ARSG: variants seen among roughly 807,000 people sequenced by gnomAD.
ARSG encodes the protein arylsulfatase G.
A neutral mutation model predicts 50.5 loss-of-function variants in ARSG; 37 were observed. That is an observed-to-expected ratio of 0.73 (90% confidence interval 0.56 to 0.96). The LOEUF (loss-of-function observed/expected upper bound fraction) is 0.96, where lower values mean the gene tolerates loss of function less well. ARSG is among the 50% of genes least tolerant of loss of function. The pLI is 0.00. For synonymous variants in ARSG, 225 were observed against 254.6 expected (o/e 0.88, Z 1.11); for missense variants, 629 against 675.3 (o/e 0.93, Z 0.76).
chr17:68,301,592 C>T (rs1397975633), intron 1 of ARSG, among the ~76,000 whole-genome samples: 1 of 152,212 alleles, frequency 6.6e-6, no homozygotes, highest in East Asian at 1.9e-4. Context: ...CTGCTTCTTT[C>T]ATCTGCTGCC....
chr17:68,431,361 G>T, the ARSG span, among the ~76,000 whole-genome samples: 3 of 152,040 alleles, frequency 2.0e-5, no homozygotes, highest in African/African-American at 7.2e-5. Flanking sequence ...AGGATGCTGG[G>T]GACTGAGCAT....
chr17:68,310,447 C>G (rs932556247), intron 2 of ARSG, among the ~76,000 whole-genome samples: 2 of 152,170 alleles, frequency 1.3e-5, no homozygotes, highest in East Asian at 3.8e-4. Flanking sequence ...AAAAGAGGAG[C>G]CTATGCATCT....
At chr17:68,410,943 T>G (rs1282369739) in intron 11 of ARSG, among the ~76,000 whole-genome samples, 8 of 152,112 alleles carry the variant, frequency 5.3e-5, no homozygotes, top group Non-Finnish European at 1.2e-4. Context: ...GATGGTAGTT[T>G]GTATTTCTGT....
At chr17:68,377,353 G>C (rs1209223480) in intron 8 of ARSG, among the ~76,000 whole-genome samples, 1 of 152,212 alleles carries the variant, frequency 6.6e-6, no homozygotes, top group Non-Finnish European at 1.5e-5. Flanking sequence ...CAGCCACCTG[G>C]AAAATCCTAT....
intron 10 of ARSG, among the ~76,000 whole-genome samples, chr17:68,398,302 C>T (rs1001703970): frequency 6.6e-6 from 1 of 152,230 alleles, no homozygotes; most frequent in Middle Eastern, 3.4e-3. Context: ...CACATGCATG[C>T]ACACACATAC....
chr17:68,426,162 G>A (rs770792481), downstream of ARSG: 56 of 1,580,646 alleles, frequency 3.5e-5, no homozygotes, highest in Middle Eastern at 4.5e-4. Context: ...GCGCCCCGCC[G>A]TCCTCAGAAT....
At chr17:68,369,869 G>C (rs981346023) in intron 7 of ARSG, among the ~76,000 whole-genome samples, 1 of 152,140 alleles carries the variant, frequency 6.6e-6, no homozygotes, top group Admixed American at 6.6e-5. Context: ...GGAAGGAAGA[G>C]GAGGAAAGGC....
At chr17:68,278,443 ATATTTATTTATT>A in intron 1 of ARSG, 3 of 638,154 alleles carry the variant, frequency 4.7e-6, no homozygotes, top group East Asian at 5.5e-5. Flanking sequence ...AAGTTGTTGA[ATATTTATTTATT>A]TATTTATTTA....
chr17:68,372,407 C>T (rs2079892454), intron 8 of ARSG, among the ~76,000 whole-genome samples: 1 of 152,164 alleles, frequency 6.6e-6, no homozygotes, highest in Non-Finnish European at 1.5e-5. Flanking sequence ...AATTGACTCA[C>T]AGTTCTGTAG....
At chr17:68,294,992 TGCATG>T (rs2076155534) in intron 1 of ARSG, among the ~76,000 whole-genome samples, 1 of 152,220 alleles carries the variant, frequency 6.6e-6, no homozygotes, top group South Asian at 2.1e-4. Context: ...CAGAGTTGTG[TGCATG>T]GCTTAGTACA....
At chr17:68,448,810 C>A in the ARSG span, among the ~76,000 whole-genome samples, 1 of 152,220 alleles carries the variant, frequency 6.6e-6, no homozygotes, top group Non-Finnish European at 1.5e-5. Flanking sequence ...CAACAGATTT[C>A]AGTGAAAACA....
chr17:68,311,296 A>C (rs915387778), intron 2 of ARSG, among the ~76,000 whole-genome samples: 4 of 152,114 alleles, frequency 2.6e-5, no homozygotes, highest in African/African-American at 9.7e-5. Flanking sequence ...CTGTTTAATT[A>C]GTTTCTACTC....
chr17:68,390,656 T>A (rs1383372651), intron 9 of ARSG, among the ~76,000 whole-genome samples: 2 of 152,042 alleles, frequency 1.3e-5, no homozygotes, highest in Non-Finnish European at 2.9e-5. Flanking sequence ...GGAATTTCCC[T>A]CTTGTCACTC....
intron 2 of ARSG, among the ~76,000 whole-genome samples, chr17:68,309,735 T>A (rs1555765981): frequency 4.0e-5 from 6 of 151,638 alleles, no homozygotes. Flanking sequence ...GGCAGGCACC[T>A]GTGACCCCAG....
chr17:68,259,627 A>G (rs1161217214), intron 1 of ARSG, among the ~76,000 whole-genome samples: 1 of 152,220 alleles, frequency 6.6e-6, no homozygotes, highest in Admixed American at 6.5e-5. Flanking sequence ...TTTTAATAGT[A>G]TATTCTGTTT....
chr17:68,379,121 C>A (rs1324424310), intron 8 of ARSG, among the ~76,000 whole-genome samples: 1 of 152,176 alleles, frequency 6.6e-6, no homozygotes, highest in Non-Finnish European at 1.5e-5. Context: ...AGGGCCACCC[C>A]AGGCCAGCCG....
At chr17:68,318,068 C>T (rs2077139133) in intron 2 of ARSG, among the ~76,000 whole-genome samples, 1 of 149,974 alleles carries the variant, frequency 6.7e-6, no homozygotes, top group Non-Finnish European at 1.5e-5. Flanking sequence ...CTTTGCACTC[C>T]AGACTGGGCG....
intron 1 of ARSG, among the ~76,000 whole-genome samples, chr17:68,261,149 G>A (rs1407620424): frequency 2.0e-5 from 3 of 152,262 alleles, no homozygotes; most frequent in East Asian, 1.9e-4. Flanking sequence ...CTCTTGAACT[G>A]TAACTGTCAA....
chr17:68,260,783 A>C (rs1322482606), intron 1 of ARSG, among the ~76,000 whole-genome samples: 1 of 152,090 alleles, frequency 6.6e-6, no homozygotes, highest in Non-Finnish European at 1.5e-5. Context: ...GTGAGCCACC[A>C]TGGCCGGCCA....
Sources: allele counts gnomAD v4.1 joint callset (sites outside exome capture counted in the v4.1 genomes callset), GRCh38; gene constraint gnomAD v4.1.1; transcripts MANE v1.5; gene names NCBI Gene and HGNC (gene_info 2026-07-23, HGNC 2026-07-21).